ANKRD12: variants seen among roughly 807,000 people sequenced by gnomAD.
ANKRD12 encodes ankyrin repeat domain 12.
Under a neutral mutation model 183.4 loss-of-function variants are expected in ANKRD12, and 85 were observed. That is an observed-to-expected ratio of 0.46 (90% CI 0.39 to 0.56). The LOEUF (loss-of-function observed/expected upper bound fraction) is 0.56, where lower values mean the gene tolerates loss of function less well. ANKRD12 is among the 20% of genes least tolerant of loss of function. The pLI, the probability that ANKRD12 is intolerant of heterozygous loss-of-function variation, is 0.00. For synonymous variants in ANKRD12, 914 were observed against 800.2 expected (o/e 1.14, Z -2.40); for missense variants, 2,405 against 2,357.1 (o/e 1.02, Z -0.42).
intron 1 of ANKRD12, among the ~76,000 whole-genome samples, chr18:9,175,523 C>CTTTTTTTTTTTTTTTTTTTTTTTTT: frequency 1.9e-5 from 1 of 53,302 alleles, no homozygotes; most frequent in Non-Finnish European, 3.2e-5. Context: ...AAAGGCTCCT[C>CTTTTTTTTTTTTTTTTTTTTTTTTT]TTTTTTTTTT....
intron 8 of ANKRD12, among the ~76,000 whole-genome samples, chr18:9,253,409 C>G (rs2038414674): frequency 6.6e-6 from 1 of 152,046 alleles, no homozygotes; most frequent in Non-Finnish European, 1.5e-5. Context: ...TTTTTTGCTC[C>G]CACATACAAG....
intron 1 of ANKRD12, among the ~76,000 whole-genome samples, chr18:9,180,014 A>C (rs1567884646): frequency 6.6e-6 from 1 of 152,168 alleles, no homozygotes. Context: ...TTCTGTTCTT[A>C]TATAATCCTT....
intron 2 of ANKRD12, among the ~76,000 whole-genome samples, chr18:9,183,787 T>TA (rs1381400695): frequency 6.6e-6 from 1 of 152,222 alleles, no homozygotes; most frequent in Non-Finnish European, 1.5e-5. Context: ...TTAGTCCACT[T>TA]ACATTTAATG....
In ANKRD12 at chr18:9,255,492, C is replaced by A; in HGVS notation, c.2225C>A (p.Ser742Ter). 1.3e-6 allele frequency: 2 copies of A among 1,565,160 alleles called. No homozygotes were observed. The highest frequency in any genetic ancestry group is 2.5e-5 in the South Asian group (2 of 81,398). The change falls in exon 9 of 13, where the codon TCA becomes TAA. Residue 742 changes from serine (S) to a stop codon, truncating the protein, a stop_gained. Transcript: ENST00000262126. LOFTEE classifies it high-confidence loss of function. The part of the protein sequence containing the change: ...DDKSTKEKHV[S>*]KERNFKEERD... ...AAATCAACCAAGGAAAAGCATGTGTCAAAAGAGAGGAACTTTAAAGAGGAA... is the reference window on the plus strand; with the variant it reads ...AAATCAACCAAGGAAAAGCATGTGTAAAAAGAGAGGAACTTTAAAGAGGAA...
intron 9 of ANKRD12, 88 bp downstream of exon 9, chr18:9,259,019 G>A: frequency 7.1e-7 from 1 of 1,407,080 alleles, no homozygotes; most frequent in Non-Finnish European, 9.5e-7. Flanking sequence ...AAGTTTTCTA[G>A]TAGATAGATA....
chr18:9,177,214 T>TA (rs575202314), intron 1 of ANKRD12, among the ~76,000 whole-genome samples: 73 of 152,130 alleles, frequency 4.8e-4, no homozygotes, highest in Non-Finnish European at 6.9e-4. Context: ...CCAAGATTGT[T>TA]ACACGGAGAA....
rs2040189318 is a variant in ANKRD12, at chr18:9,284,959, C to G, written c.*3833C>G. 1 of 152,218 alleles carries G rather than the reference C, an allele frequency of 6.6e-6. No homozygotes were observed. Among genetic ancestry groups the G allele is most frequent in the Non-Finnish European group, 1.5e-5 (1 of 68,052 alleles). 9.4% of individuals were successfully genotyped at this position (152,218 alleles called of 1,614,324 possible). On this transcript the variant is annotated 3_prime_UTR_variant, in exon 13 of 13. Transcript: ENST00000262126. ...CAGTGGCTCGCGCCTGTAATCCCAGCACTTTGGGAGGCCAAGGCGGGCGGA... is the reference window on the plus strand; with the variant it reads ...CAGTGGCTCGCGCCTGTAATCCCAGGACTTTGGGAGGCCAAGGCGGGCGGA...
At chr18:9,208,380 A>C (rs2035600644) in intron 4 of ANKRD12, among the ~76,000 whole-genome samples, 1 of 152,216 alleles carries the variant, frequency 6.6e-6, no homozygotes, top group Non-Finnish European at 1.5e-5. Context: ...TTACTAGAAC[A>C]AGTCATTAAG....
chr18:9,235,042 A>G (rs531225292), intron 8 of ANKRD12, among the ~76,000 whole-genome samples: 5 of 152,146 alleles, frequency 3.3e-5, no homozygotes, highest in Admixed American at 6.5e-5. Flanking sequence ...CTCTTCCTAG[A>G]TACCCTATTC....
intron 3 of ANKRD12, among the ~76,000 whole-genome samples, chr18:9,202,649 A>T (rs892310002): frequency 1.3e-5 from 2 of 152,218 alleles, no homozygotes; most frequent in African/African-American, 4.8e-5. Flanking sequence ...CAAGGAACAT[A>T]TGTGGGAGAG....
intron 2 of ANKRD12, among the ~76,000 whole-genome samples, chr18:9,191,676 G>T (rs1367759281): frequency 6.6e-6 from 1 of 152,060 alleles, no homozygotes; most frequent in Non-Finnish European, 1.5e-5. Flanking sequence ...TTTGACTTCT[G>T]AGGCCTTGCT....
In ANKRD12 at chr18:9,265,540, C is replaced by CA. The variant is rs574274743; in HGVS notation, c.5763+1652_5763+1653insA. Among the ~76,000 whole-genome samples, 23 of 152,282 alleles carry CA rather than the reference C, an allele frequency of 1.5e-4. No homozygotes were observed. The South Asian group carries it at 4.8e-3, about 32-fold the overall frequency. Reference sequence around the variant, plus strand: ...GTCTGGAGTGGGCCTCCAGCAAACTCCAACAGACCTGCAGGTGAGGATCCT... The same window carrying CA: ...GTCTGGAGTGGGCCTCCAGCAAACTCACAACAGACCTGCAGGTGAGGATCCT... On this transcript the variant is annotated intron_variant, in intron 10 of 12. Transcript: ENST00000262126.
chr18:9,266,047 G>T (rs1013040130), intron 10 of ANKRD12, among the ~76,000 whole-genome samples: 2 of 152,306 alleles, frequency 1.3e-5, no homozygotes, highest in Admixed American at 1.3e-4. Flanking sequence ...TGAATGAAAT[G>T]AAGCAAGAAG....
chr18:9,174,963 G>C (rs1390559652), intron 1 of ANKRD12, among the ~76,000 whole-genome samples: 1 of 151,722 alleles, frequency 6.6e-6, no homozygotes, highest in Non-Finnish European at 1.5e-5. Flanking sequence ...TATTTAATTT[G>C]TTCATTCCTG....
intron 8 of ANKRD12, among the ~76,000 whole-genome samples, chr18:9,229,300 T>G (rs1204203980): frequency 6.6e-6 from 1 of 152,224 alleles, no homozygotes; most frequent in Non-Finnish European, 1.5e-5. Context: ...CCATACATGT[T>G]TATGGATTGT....
chr18:9,276,036 T>C (rs2039817531), intron 11 of ANKRD12, among the ~76,000 whole-genome samples: 1 of 152,194 alleles, frequency 6.6e-6, no homozygotes, highest in Non-Finnish European at 1.5e-5. Context: ...CTCTAGGTTG[T>C]GACAGTCCTA....
rs375246971 is a variant in ANKRD12 at position 9,256,322 on chromosome 18, A to G, written c.3055A>G (p.Lys1019Glu). 3 of 1,591,158 alleles carry G rather than the reference A, an allele frequency of 1.9e-6. No individual in the cohort carries two copies. Among genetic ancestry groups the G allele is most frequent in the East Asian group, 2.2e-5 (1 of 44,670 alleles). Residue 1019 changes from lysine to glutamate, a missense_variant, in exon 9 of 13, where the codon AAA becomes GAA. Physicochemically the swap from Lys to Glu is moderately conservative, Grantham distance 56. This residue lies in a region of ANKRD12 where 1,983 missense variants were observed against 1,725.9 expected (regional missense o/e 1.15). Transcript: ENST00000262126. ...LKTPDGKEKD[K>E]KDKDIDRYKE... ...AACTCCAGATGGAAAAGAAAAAGAT[A>G]AAAAAGATAAAGATATAGATAGATA...
intron 12 of ANKRD12, 25 bp from the exon 13 acceptor site, chr18:9,280,916 G>A: frequency 6.3e-7 from 1 of 1,588,902 alleles, no homozygotes; most frequent in Non-Finnish European, 8.5e-7. Flanking sequence ...GAATAATCAA[G>A]TAACTCTTCT....
chr18:9,175,546 T>TTTTTTTC (rs2033192143), intron 1 of ANKRD12, among the ~76,000 whole-genome samples: 1 of 140,266 alleles, frequency 7.1e-6, no homozygotes, highest in Non-Finnish European at 1.5e-5. Flanking sequence ...TTTTTTTTTT[T>TTTTTTTC]TTTTTGAGAC....
Sources: gnomAD v4.1 joint callset for allele counts (sites outside exome capture counted in the v4.1 genomes callset) on GRCh38, gnomAD v4.1.1 for gene constraint, gnomAD v4.1.1 regional missense constraint, MANE v1.5 for transcripts, NCBI Gene and HGNC (gene_info 2026-07-23, HGNC 2026-07-21) for gene names.